The following COL21A1 variants were observed in gnomAD, a reference collection of about 807,000 sequenced individuals.
COL21A1 encodes the protein collagen alpha-1(XXI) chain.
A neutral mutation model predicts 137.9 loss-of-function variants in COL21A1; 149 were observed. That is an observed-to-expected ratio of 1.08 (90% CI 0.95 to 1.24). The LOEUF is 1.24. Among genes scored for constraint, COL21A1 ranks in the 50% most tolerant of loss-of-function variants. COL21A1 has a pLI of 0.00. For synonymous variants in COL21A1, 456 were observed against 391.5 expected (o/e 1.16, Z -1.95); for missense variants, 1,167 against 1,158.4 (o/e 1.01, Z -0.11).
At chr6:56,274,584 G>C (rs1446115034) in intron 1 of COL21A1, among the ~76,000 whole-genome samples, 1 of 151,974 alleles carries the variant, frequency 6.6e-6, no homozygotes, top group Non-Finnish European at 1.5e-5. Flanking sequence ...TAAGCTAAGA[G>C]TAAAACCAAG....
chr6:56,141,942 A>T lies in COL21A1; in HGVS notation c.1476T>A (p.Ser492=). Residue 492 remains serine, a synonymous_variant, in exon 11 of 30, where the codon TCT becomes TCA. Coordinates refer to ENST00000244728, the MANE Select transcript of COL21A1 (RefSeq NM_030820.4). ...GTGGATCACATACTTGTATTCCTGG[A>T]GATCCTGGAACACCTGGTGTCCCTG... ...GIAGTPGVPG[S]PGIQGARGLP... is the part of the protein sequence containing the mutation. 6.5e-7 allele frequency: 1 copy of T among 1,547,666 alleles called. No individual in the cohort carries two copies. The highest frequency in any genetic ancestry group is 8.7e-7 in the Non-Finnish European group (1 of 1,144,076).
At chr6:56,300,940 C>T (rs187195210) in intron 1 of COL21A1, among the ~76,000 whole-genome samples, 3 of 152,166 alleles carry the variant, frequency 2.0e-5, no homozygotes, top group Admixed American at 1.3e-4. Flanking sequence ...TATTTCATTC[C>T]GACAAACATA....
intron 1 of COL21A1, among the ~76,000 whole-genome samples, chr6:56,349,214 T>G (rs989516441): frequency 2.0e-5 from 3 of 152,226 alleles, no homozygotes; most frequent in African/African-American, 7.2e-5. Context: ...GGGAAATTTA[T>G]GGTTGGACAA....
chr6:56,260,973 C>T (rs963816777), intron 1 of COL21A1, among the ~76,000 whole-genome samples: 19 of 151,486 alleles, frequency 1.3e-4, no homozygotes, highest in Non-Finnish European at 2.7e-4. Context: ...CTTACATATT[C>T]AAGTCTAATA....
At chr6:56,212,233 A>G (rs1211276481) in intron 1 of COL21A1, among the ~76,000 whole-genome samples, 1 of 151,874 alleles carries the variant, frequency 6.6e-6, no homozygotes, top group African/African-American at 2.4e-5. Flanking sequence ...TTCATTTTTA[A>G]AGTTTGGATC....
In COL21A1 at chr6:56,206,697, AATAT is replaced by A. The variant is rs1204449084; in HGVS notation, c.-38-24045_-38-24042del. The stretch of plus-strand genomic sequence containing the variant: ...ATTCAACAAAATAAATAAATAAATA[AATAT>A]ATATATATATATATATATATATATA... On this transcript the variant is annotated intron_variant, in intron 1 of 29. Transcript: ENST00000244728. 5.7e-3 allele frequency among the ~76,000 whole-genome samples: 184 copies of A among 32,270 alleles called. 1 individual carries two copies. Among genetic ancestry groups the A allele is most frequent in the East Asian group, 0.013 (7 of 530 alleles). The allele number at this position is 32,270 out of a possible 152,430, so 21.2% of individuals were successfully genotyped here. A position where few individuals can be genotyped will look rare whatever the true frequency, so the allele number is the denominator to read the frequency against.
At chr6:56,070,205 CT>C (rs1165325675) in intron 21 of COL21A1, among the ~76,000 whole-genome samples, 2 of 151,458 alleles carry the variant, frequency 1.3e-5, no homozygotes, top group East Asian at 1.9e-4. Flanking sequence ...AGATCACTCT[CT>C]TTTTTAAAAG....
chr6:56,141,652 C>A (rs1250321964), intron 12 of COL21A1, 133 bp downstream of exon 12: 16 of 844,386 alleles, frequency 1.9e-5, no homozygotes, highest in Non-Finnish European at 2.7e-5. Flanking sequence ...TGTCTAATAG[C>A]CACTGACAAA....
At chr6:56,296,242 C>T (rs1030087689) in intron 1 of COL21A1, among the ~76,000 whole-genome samples, 1 of 151,874 alleles carries the variant, frequency 6.6e-6, no homozygotes, top group Non-Finnish European at 1.5e-5. Context: ...TAAGTAACAA[C>T]ATATCCAATA....
intron 1 of COL21A1, among the ~76,000 whole-genome samples, chr6:56,373,737 T>G (rs183443444): frequency 5.3e-5 from 8 of 152,308 alleles, no homozygotes; most frequent in Admixed American, 3.9e-4. Context: ...CCTCACATAC[T>G]TTTTTTGTAC....
At chr6:56,220,720 T>C (rs17821163) in intron 1 of COL21A1, among the ~76,000 whole-genome samples, 11,078 of 152,230 alleles carry the variant, frequency 0.073, 449 homozygotes, top group Middle Eastern at 0.13. Context: ...TTCTTCATTG[T>C]CATACTTTGA....
chr6:56,324,011 C>G (rs1764940152), intron 1 of COL21A1, among the ~76,000 whole-genome samples: 1 of 151,984 alleles, frequency 6.6e-6, no homozygotes, highest in African/African-American at 2.4e-5. Context: ...ATTATAAAGG[C>G]TGGTAGTATT....
At position 56,060,940 on chromosome 6, in the gene COL21A1, TG is replaced by T. The variant is rs1765743319; in HGVS notation, c.2302del (p.Gln768AsnfsTer33). The T allele has an allele frequency of 1.3e-6, 2 of 1,592,074 alleles. No individual in the cohort carries two copies. The highest frequency in any genetic ancestry group is 2.7e-5 in the African/African-American group (2 of 73,276). On this transcript the variant is annotated frameshift_variant, in exon 26 of 30. Transcript: ENST00000244728. LOFTEE classifies it high-confidence loss of function. ...GLMGPAGPKG[Q>X]PGDPGPQGPP... ...TCCCTGAGGACCTGGATCCCCAGGT[TG>T]CCCCTTAGGACCTGCGGGCCCCATC...
chr6:56,098,576 A>AATATATATAAAT (rs1769997521), intron 17 of COL21A1, among the ~76,000 whole-genome samples: 2 of 7,756 alleles, frequency 2.6e-4, no homozygotes, highest in Non-Finnish European at 4.7e-4. Flanking sequence ...AATATATATA[A>AATATATATAAAT]ATATATATAA....
chr6:56,173,807 A>T (rs1455490188), intron 3 of COL21A1, among the ~76,000 whole-genome samples: 1 of 152,214 alleles, frequency 6.6e-6, no homozygotes, highest in African/African-American at 2.4e-5. Context: ...ATCAATAAGG[A>T]AATAGAAGAC....
intron 1 of COL21A1, among the ~76,000 whole-genome samples, chr6:56,307,666 C>T (rs1422043444): frequency 6.6e-6 from 1 of 152,232 alleles, no homozygotes; most frequent in Non-Finnish European, 1.5e-5. Flanking sequence ...ACCCCTTGCT[C>T]TTCCTGGGTG....
intron 29 of COL21A1, among the ~76,000 whole-genome samples, chr6:56,058,347 A>G (rs1765509083): frequency 6.6e-6 from 1 of 152,148 alleles, no homozygotes; most frequent in African/African-American, 2.4e-5. Flanking sequence ...ATCAATACTC[A>G]TAGGTATTAA....
chr6:56,378,747 G>T (rs948162566), intron 1 of COL21A1, among the ~76,000 whole-genome samples: 7 of 152,222 alleles, frequency 4.6e-5, no homozygotes, highest in African/African-American at 1.7e-4. Flanking sequence ...AATAGCCAGA[G>T]AGTGGTTACA....
chr6:56,283,874 A>ACACACT lies in COL21A1; in HGVS notation c.-38-101219_-38-101218insAGTGTG, dbSNP rs375116485. ...TATCTGTAGACACACTCACACACAC[A>ACACACT]CTCTCTCTCTCTCTCTCTCTCTCTC... On this transcript the variant is annotated intron_variant, in intron 1 of 28. Transcript: ENST00000370819. Among the ~76,000 whole-genome samples, 26 of 146,294 alleles carry ACACACT rather than the reference A, an allele frequency of 1.8e-4. 1 individual carries two copies. The South Asian group carries it at 2.0e-3, about 11-fold the overall frequency.
Sources: allele counts gnomAD v4.1 joint callset (sites outside exome capture counted in the v4.1 genomes callset), GRCh38; gene constraint gnomAD v4.1.1; transcripts MANE v1.5; gene names NCBI Gene and HGNC (gene_info 2026-07-23, HGNC 2026-07-21).